NUDCD1: variants seen among roughly 807,000 people sequenced by gnomAD.
NUDCD1 encodes nudC domain-containing protein 1.
NUDCD1 carries 60 observed loss-of-function variants against 67.8 expected under a neutral mutation model. The ratio of observed to expected loss-of-function variants is 0.88; its 90% CI spans 0.72 to 1.10. NUDCD1 has a LOEUF of 1.10. Ranked by LOEUF, NUDCD1 falls within the 50% of genes least tolerant of loss-of-function variation. The pLI, the probability that NUDCD1 is intolerant of heterozygous loss-of-function variation, is 0.00. For missense variants in NUDCD1, 643 were observed against 695.0 expected (o/e 0.93, Z 0.84); for synonymous variants, 244 against 230.8 (o/e 1.06, Z -0.52).
At chr8:109,253,857 T>C (rs1025542724) in intron 8 of NUDCD1, among the ~76,000 whole-genome samples, 1 of 151,822 alleles carries the variant, frequency 6.6e-6, no homozygotes, top group Admixed American at 6.6e-5. Context: ...AAAGAAAAAA[T>C]ATATGAATAA....
At chr8:109,268,274 C>T (rs946805176) in intron 8 of NUDCD1, among the ~76,000 whole-genome samples, 3 of 152,094 alleles carry the variant, frequency 2.0e-5, no homozygotes, top group Admixed American at 6.6e-5. Flanking sequence ...AGTTCTATCA[C>T]TTTTTCCTAT....
intron 2 of NUDCD1, among the ~76,000 whole-genome samples, chr8:109,306,631 A>ACC (rs35720923): frequency 5.7e-4 from 83 of 145,252 alleles, no homozygotes; most frequent in East Asian, 3.4e-3. Flanking sequence ...ATTATGTTGA[A>ACC]CCCCCCCCAC....
chr8:109,310,295 G>C (rs1345582232), intron 2 of NUDCD1, among the ~76,000 whole-genome samples: 1 of 152,062 alleles, frequency 6.6e-6, no homozygotes, highest in Non-Finnish European at 1.5e-5. Flanking sequence ...GAAAAAAAAA[G>C]AGAATCCATA....
chr8:109,253,729 G>A (rs997969567), intron 8 of NUDCD1, among the ~76,000 whole-genome samples: 3 of 152,094 alleles, frequency 2.0e-5, no homozygotes, highest in African/African-American at 4.8e-5. Context: ...AAATTAAAAA[G>A]TAAAGTGACT....
At chr8:109,253,937 GGGCCATTACCT>G (rs1813674807) in intron 8 of NUDCD1, among the ~76,000 whole-genome samples, 2 of 152,134 alleles carry the variant, frequency 1.3e-5, no homozygotes. Flanking sequence ...TATCTAGCAT[GGGCCATTACCT>G]GGAAGAAAAA....
At chr8:109,333,687 C>T (rs1009967135) in intron 1 of NUDCD1, among the ~76,000 whole-genome samples, 1 of 152,194 alleles carries the variant, frequency 6.6e-6, no homozygotes, top group Non-Finnish European at 1.5e-5. Context: ...GCCCAGGGTC[C>T]CGTTACCGAA....
At chr8:109,284,954 T>A (rs1586277910) in intron 5 of NUDCD1, among the ~76,000 whole-genome samples, 1 of 145,694 alleles carries the variant, frequency 6.9e-6, no homozygotes, top group Non-Finnish European at 1.5e-5. Context: ...AAGATGCAAA[T>A]AAACACAATC....
At position 109,313,792 on chromosome 8, in the gene NUDCD1, A is replaced by C. The variant is rs1178605201; in HGVS notation, c.273+8517T>G. ...GAGCATTTTAAGCCATTTTCTTTAA[A>C]ATACCTGGTTATACATGACGGAGGT... On this transcript the variant is annotated intron_variant, in intron 2 of 9. Coordinates refer to ENST00000239690, the MANE Select transcript of NUDCD1 (RefSeq NM_032869.4). 5 of 865,138 alleles carry C rather than the reference A, an allele frequency of 5.8e-6. No homozygotes were observed. In the South Asian group the frequency reaches 6.9e-5, roughly 12 times the overall value. 53.6% of individuals were successfully genotyped at this position (865,138 alleles called of 1,614,324 possible). A position where few individuals can be genotyped will look rare whatever the true frequency, so the allele number is the denominator to read the frequency against.
chr8:109,295,561 CT>C (rs1199678472), intron 3 of NUDCD1, among the ~76,000 whole-genome samples: 2 of 152,202 alleles, frequency 1.3e-5, no homozygotes, highest in South Asian at 2.1e-4. Context: ...CCATTTGGTT[CT>C]AAGACCTAAC....
At chr8:109,333,847 C>G (rs779166278) in intron 1 of NUDCD1, 46 bp downstream of exon 1, 2 of 1,605,994 alleles carry the variant, frequency 1.2e-6, no homozygotes, top group South Asian at 2.2e-5. Context: ...CGGAGGCAGC[C>G]GAAAGGGGAA....
At chr8:109,314,698 G>T (rs1438728138) in intron 2 of NUDCD1, among the ~76,000 whole-genome samples, 1 of 151,846 alleles carries the variant, frequency 6.6e-6, no homozygotes, top group Non-Finnish European at 1.5e-5. Flanking sequence ...CCTCTACACA[G>T]TATTTTTAAT....
At chr8:109,252,266 G>T (rs578142370) in intron 8 of NUDCD1, among the ~76,000 whole-genome samples, 48 of 152,228 alleles carry the variant, frequency 3.2e-4, no homozygotes, top group African/African-American at 1.2e-3. Flanking sequence ...GTTTTTCAGA[G>T]ATACTGCCCT....
intron 4 of NUDCD1, among the ~76,000 whole-genome samples, chr8:109,290,682 T>C (rs1386291692): frequency 6.6e-6 from 1 of 152,148 alleles, no homozygotes; most frequent in Non-Finnish European, 1.5e-5. Flanking sequence ...ATTAAACTTA[T>C]TTTCCTATAA....
intron 8 of NUDCD1, among the ~76,000 whole-genome samples, chr8:109,255,927 T>G (rs1003810018): frequency 2.0e-5 from 3 of 152,164 alleles, no homozygotes; most frequent in African/African-American, 7.2e-5. Context: ...AGTGAACTAG[T>G]TGCCGGGTGC....
At chr8:109,296,289 T>C (rs953102781) in intron 3 of NUDCD1, 95 bp downstream of exon 3, 19 of 984,054 alleles carry the variant, frequency 1.9e-5, no homozygotes, top group Admixed American at 4.1e-5. Context: ...ACAGATCACA[T>C]GTAAACCATC....
intron 1 of NUDCD1, among the ~76,000 whole-genome samples, chr8:109,329,382 C>A (rs1815752969): frequency 6.6e-6 from 1 of 151,980 alleles, no homozygotes; most frequent in African/African-American, 2.4e-5. Context: ...AAACCCCAAA[C>A]ATAAGAATCA....
chr8:109,278,059 C>A (rs1024367030), intron 6 of NUDCD1, among the ~76,000 whole-genome samples: 1 of 152,136 alleles, frequency 6.6e-6, no homozygotes, highest in Non-Finnish European at 1.5e-5. Context: ...GGATCATATA[C>A]TACTAATTAA....
At chr8:109,326,886 T>C (rs58370875) in intron 1 of NUDCD1, among the ~76,000 whole-genome samples, 1,689 of 152,346 alleles carry the variant, frequency 0.011, 28 homozygotes, top group African/African-American at 0.038. Flanking sequence ...CCTGCACTAA[T>C]AGTGCTAACG....
At chr8:109,331,475 T>G (rs1311981988) in intron 1 of NUDCD1, among the ~76,000 whole-genome samples, 1 of 133,296 alleles carries the variant, frequency 7.5e-6, no homozygotes, top group Non-Finnish European at 1.5e-5. Context: ...GAGATCACAC[T>G]ACTACAGTCC....
Sources: allele counts gnomAD v4.1 joint callset (sites outside exome capture counted in the v4.1 genomes callset), GRCh38; gene constraint gnomAD v4.1.1; transcripts MANE v1.5; gene names NCBI Gene and HGNC (gene_info 2026-07-23, HGNC 2026-07-21).